ZNF70: variants seen among roughly 807,000 people sequenced by gnomAD.
The protein encoded by ZNF70 is zinc finger protein N27C7-1.
ZNF70 carries 18 observed loss-of-function variants against 37.7 expected under a neutral mutation model. The observed-to-expected ratio is 0.48, with a 90% CI of 0.33 to 0.71. ZNF70 has a LOEUF of 0.71. Ranked by LOEUF, ZNF70 falls within the 30% of genes least tolerant of loss-of-function variation. The pLI is 0.02. For missense variants in ZNF70, 506 were observed against 568.6 expected (o/e 0.89, Z 1.12); for synonymous variants, 219 against 220.1 (o/e 0.99, Z 0.05).
rs199912876 is a variant in ZNF70 at position 23,743,868 on chromosome 22, C to T, written c.1273G>A (p.Gly425Ser). ...REKPYVCNLC[G>S]KSFRGSSHLI... ...TGCGAGCTCCCCCGGAAGGACTTGC[C>T]GCACAGATTGCACACGTAGGGCTTC... is the stretch of plus-strand genomic sequence containing the variant. The change falls in exon 2 of 2, where the codon GGC (glycine) becomes AGC (serine). Residue 425 changes from glycine (G) to serine (S), a missense_variant. Coordinates refer to ENST00000341976, the MANE Select transcript of ZNF70 (RefSeq NM_021916.4). The T allele has an allele frequency of 2.9e-5, 47 of 1,614,204 alleles. No individual in the cohort carries two copies. Among genetic ancestry groups the T allele is most frequent in the Middle Eastern group, 3.3e-4 (2 of 6,062 alleles).
chr22:23,744,529 G>C lies in ZNF70; in HGVS notation c.612C>G (p.Ala204=), dbSNP rs773302327. Residue 204 remains alanine, a synonymous_variant, in exon 2 of 2, where the codon GCC becomes GCG. Coordinates refer to ENST00000341976, the MANE Select transcript of ZNF70 (RefSeq NM_021916.4). ...KPYECRECGK[A]FRQSSALTQH... ...GCGTGAGGGCTGAGCTCTGGCGGAA[G>C]GCCTTCCCACACTCCCGGCACTCGT... 3 of 1,613,940 alleles carry C rather than the reference G, an allele frequency of 1.9e-6. No individual in the cohort carries two copies. Among genetic ancestry groups the C allele is most frequent in the Non-Finnish European group, 2.5e-6 (3 of 1,179,960 alleles).
In ZNF70 at chr22:23,744,219, A is replaced by G; in HGVS notation, c.922T>C (p.Tyr308His). ...HQRIHTGKKP[Y>H]KCDECGKAFS... is the part of the protein sequence containing the mutation. ...GCCTTCCCGCACTCATCGCATTTGTATGGTTTCTTCCCAGTGTGGATCCGC... is the reference window on the plus strand; with the variant it reads ...GCCTTCCCGCACTCATCGCATTTGTGTGGTTTCTTCCCAGTGTGGATCCGC... Residue 308 changes from tyrosine (Y) to histidine (H), a missense_variant, in exon 2 of 2, where the codon TAC becomes CAC. Physicochemically the swap from Tyr to His is moderately conservative, Grantham distance 83. Transcript: ENST00000341976. The G allele has an allele frequency of 1.2e-6, 2 of 1,613,564 alleles. No homozygotes were observed. Among genetic ancestry groups the G allele is most frequent in the South Asian group, 1.1e-5 (1 of 91,054 alleles).
At chr22:23,750,562 T>G (rs935584480) in intron 1 of ZNF70, 149 bp downstream of exon 1, 1 of 152,106 alleles carries the variant, frequency 6.6e-6, no homozygotes, top group African/African-American at 2.4e-5. Flanking sequence ...CAAACTTCCC[T>G]CCGTAGAGGT....
rs761855133 is a variant in ZNF70 at position 23,744,189 on chromosome 22, T to C, written c.952A>G (p.Ser318Gly). 2.5e-6 allele frequency: 4 copies of C among 1,613,972 alleles called. No homozygotes were observed. The South Asian group carries it at 3.3e-5, about 13-fold the overall frequency. The change falls in exon 2 of 2, where the codon AGC (serine) becomes GGC (glycine). Residue 318 changes from serine to glycine, a missense_variant. Coordinates refer to ENST00000341976, the MANE Select transcript of ZNF70 (RefSeq NM_021916.4). ...YKCDECGKAF[S>G]QSSNLIEHRK... ...TGCTCAATGAGGTTGGAGCTCTGGC[T>C]GAAGGCCTTCCCGCACTCATCGCAT...
rs746034456 is a variant in ZNF70 at position 23,744,795 on chromosome 22, C to T, written c.346G>A (p.Asp116Asn). Residue 116 changes from aspartate to asparagine, a missense_variant, in exon 2 of 2, where the codon GAT becomes AAT. By Grantham distance (23) the Asp-to-Asn change is conservative (BLOSUM62 1). Coordinates refer to ENST00000341976, the MANE Select transcript of ZNF70 (RefSeq NM_021916.4). Reference protein sequence around the residue: ...IIHSEEPSPCDCAETDRGDSG... With the variant: ...IIHSEEPSPCNCAETDRGDSG... The stretch of plus-strand genomic sequence containing the variant: ...TCCCCTCTGTCTGTTTCTGCACAAT[C>T]GCATGGACTGGGCTCTTCACTGTGG... 24 of 1,614,102 alleles carry T rather than the reference C, an allele frequency of 1.5e-5. No homozygotes were observed. Among genetic ancestry groups the T allele is most frequent in the African/African-American group, 9.3e-5 (7 of 74,930 alleles).
chr22:23,746,201 CTTTTTTTTTT>C (rs760293135), intron 1 of ZNF70, among the ~76,000 whole-genome samples: 8 of 114,196 alleles, frequency 7.0e-5, no homozygotes, highest in African/African-American at 2.2e-4. Context: ...TGGTGGTTCC[CTTTTTTTTTT>C]TTTTTTTTTT....
At position 23,750,920 on chromosome 22, in the gene ZNF70, C is replaced by A. The variant is rs1454186489; in HGVS notation, c.-289G>T. On this transcript the variant is annotated 5_prime_UTR_variant, in exon 1 of 2. Transcript: ENST00000341976. ...GATTGGGGACACGCACACCCAGGGC[C>A]ACCGGAGGGACAGGTGGTCAGGCGG... 1 of 152,304 alleles carries A rather than the reference C, an allele frequency of 6.6e-6. No individual in the cohort carries two copies. Among genetic ancestry groups the A allele is most frequent in the Non-Finnish European group, 1.5e-5 (1 of 68,108 alleles). The allele number at this position is 152,304 out of a possible 1,614,324, so 9.4% of individuals were successfully genotyped here. A position where few individuals can be genotyped will look rare whatever the true frequency, so the allele number is the denominator to read the frequency against.
rs1055204788 is a variant in ZNF70, at chr22:23,744,261, G to A, written c.880C>T (p.His294Tyr). ...LCGKAFCHRS[H>Y]LIRHQRIHTG... ...TGGATCCGCTGGTGTCGGATGAGGT[G>A]TGACCTGTGACAAAAGGCTTTCCCA... The change falls in exon 2 of 2, where the codon CAC becomes TAC. Residue 294 changes from histidine to tyrosine, a missense_variant. Physicochemically the swap from His to Tyr is moderately conservative, Grantham distance 83. Coordinates refer to ENST00000341976, the MANE Select transcript of ZNF70 (RefSeq NM_021916.4). The A allele has an allele frequency of 1.7e-5, 28 of 1,612,924 alleles. No individual in the cohort carries two copies. The highest frequency in any genetic ancestry group is 2.1e-5 in the Non-Finnish European group (25 of 1,179,712).
In ZNF70 at chr22:23,744,353, T is replaced by C; in HGVS notation, c.788A>G (p.Gln263Arg). Residue 263 changes from glutamine to arginine, a missense_variant, in exon 2 of 2, where the codon CAG becomes CGG. Physicochemically the swap from Gln to Arg is conservative, Grantham distance 43. Transcript: ENST00000341976. ...QCKECGKSFN[Q>R]SSGLSQHRKI... ...CCGATGCTGGCTCAGGCCTGAGCTC[T>C]GGTTGAAGGATTTCCCACATTCCTT... 5 of 1,614,228 alleles carry C rather than the reference T, an allele frequency of 3.1e-6. No homozygotes were observed. The highest frequency in any genetic ancestry group is 4.2e-6 in the Non-Finnish European group (5 of 1,180,042).
At chr22:23,745,727 G>A (rs5996607) in intron 1 of ZNF70, among the ~76,000 whole-genome samples, 4 of 151,962 alleles carry the variant, frequency 2.6e-5, no homozygotes, top group Admixed American at 2.6e-4. Flanking sequence ...GCGGAGATCA[G>A]CCCACTGCAC....
Position 23,740,113 on chromosome 22 carries a change from A to AT in ZNF70, c.*3686dup, listed in dbSNP as rs1924831153. ...ATCACGAGCTCAGGAGATAGATACC[A>AT]TCTTGGCTAACACGGTGAAACCCCG... On this transcript the variant is annotated 3_prime_UTR_variant, in exon 2 of 2. Coordinates refer to ENST00000341976, the MANE Select transcript of ZNF70 (RefSeq NM_021916.4). The AT allele has an allele frequency of 2.6e-5, 4 of 151,472 alleles. No individual in the cohort carries two copies. 9.4% of individuals were successfully genotyped at this position (151,472 alleles called of 1,614,324 possible). A position where few individuals can be genotyped will look rare whatever the true frequency, so the allele number is the denominator to read the frequency against.
rs2145896637 is a variant in ZNF70 at position 23,744,589 on chromosome 22, G to A, written c.552C>T (p.Leu184=). 1 of 1,611,068 alleles carries A rather than the reference G, an allele frequency of 6.2e-7. No individual in the cohort carries two copies. The highest frequency in any genetic ancestry group is 1.1e-5 in the South Asian group (1 of 90,860). The stretch of plus-strand genomic sequence containing the variant: ...CCCCGGTGTGGATGATCTGGTGCCT[G>A]AGCAGGTGGGAGCTCTGGCTGAAGG... ...GKAFSQSSHL[L]RHQIIHTGEK... Residue 184 remains leucine, a synonymous_variant, in exon 2 of 2, where the codon CTC becomes CTT. Coordinates refer to ENST00000341976, the MANE Select transcript of ZNF70 (RefSeq NM_021916.4).
rs1483396267 is a variant in ZNF70 at position 23,744,609 on chromosome 22, T to C, written c.532A>G (p.Ser178Gly). 6.2e-7 allele frequency: 1 copy of C among 1,613,742 alleles called. No individual in the cohort carries two copies. The highest frequency in any genetic ancestry group is 8.5e-7 in the Non-Finnish European group (1 of 1,179,920). Reference protein sequence around the residue: ...YECCECGKAFSQSSHLLRHQI... With the variant: ...YECCECGKAFGQSSHLLRHQI... Reference sequence around the variant, plus strand: ...TGCCTGAGCAGGTGGGAGCTCTGGCTGAAGGCCTTCCCGCACTCACAGCAC... The same window carrying C: ...TGCCTGAGCAGGTGGGAGCTCTGGCCGAAGGCCTTCCCGCACTCACAGCAC... Residue 178 changes from serine to glycine, a missense_variant, in exon 2 of 2, where the codon AGC (serine) becomes GGC (glycine). Coordinates refer to ENST00000341976, the MANE Select transcript of ZNF70 (RefSeq NM_021916.4).
In ZNF70 at chr22:23,744,602, C is replaced by A; in HGVS notation, c.539G>T (p.Ser180Ile). Residue 180 changes from serine to isoleucine, a missense_variant, in exon 2 of 2, where the codon AGC becomes ATC. Transcript: ENST00000341976. ...GATCTGGTGCCTGAGCAGGTGGGAGCTCTGGCTGAAGGCCTTCCCGCACTC... is the reference window on the plus strand; with the variant it reads ...GATCTGGTGCCTGAGCAGGTGGGAGATCTGGCTGAAGGCCTTCCCGCACTC... ...CCECGKAFSQ[S>I]SHLLRHQIIH... is the part of the protein sequence containing the mutation. 1.9e-6 allele frequency: 3 copies of A among 1,613,832 alleles called. No individual in the cohort carries two copies. Among genetic ancestry groups the A allele is most frequent in the Non-Finnish European group, 2.5e-6 (3 of 1,179,848 alleles).
chr22:23,748,155 T>C (rs890914621), intron 1 of ZNF70, among the ~76,000 whole-genome samples: 1 of 148,938 alleles, frequency 6.7e-6, no homozygotes, highest in East Asian at 2.0e-4. Flanking sequence ...ATTATCCTTA[T>C]ACTGCATCTA....
Position 23,742,238 on chromosome 22 carries a change from C to T in ZNF70, c.*1562G>A, listed in dbSNP as rs1924897650. 1 of 149,362 alleles carries T rather than the reference C, an allele frequency of 6.7e-6. No individual in the cohort carries two copies. The highest frequency in any genetic ancestry group is 6.6e-5 in the Admixed American group (1 of 15,048). The allele number at this position is 149,362 out of a possible 1,614,324, so 9.3% of individuals were successfully genotyped here. On this transcript the variant is annotated 3_prime_UTR_variant, in exon 2 of 2. Transcript: ENST00000341976. ...ATTCCAGCCTGGCAACAGGGCAACA[C>T]TCCATCTCAAAAAAAAAAGCCCAGC...
rs183453813 is a variant in ZNF70 at position 23,741,750 on chromosome 22, G to A, written c.*2050C>T. 3 of 152,456 alleles carry A rather than the reference G, an allele frequency of 2.0e-5. No homozygotes were observed. The highest frequency in any genetic ancestry group is 1.9e-4 in the East Asian group (1 of 5,182). 9.4% of individuals were successfully genotyped at this position (152,456 alleles called of 1,614,324 possible). ...TGCCTCCTTCCCCACTAGCTCTGAGGAGCCCAAGGGAAGCCAGGACTAAAG... is the reference window on the plus strand; with the variant it reads ...TGCCTCCTTCCCCACTAGCTCTGAGAAGCCCAAGGGAAGCCAGGACTAAAG... On this transcript the variant is annotated 3_prime_UTR_variant, in exon 2 of 2. Transcript: ENST00000341976.
intron 1 of ZNF70, among the ~76,000 whole-genome samples, chr22:23,750,322 C>G (rs1925281443): frequency 6.6e-6 from 1 of 152,124 alleles, no homozygotes; most frequent in African/African-American, 2.4e-5. Context: ...TCCTTAGTTA[C>G]CAATATTTAA....
chr22:23,749,890 T>A (rs556735344), intron 1 of ZNF70, among the ~76,000 whole-genome samples: 21 of 152,262 alleles, frequency 1.4e-4, no homozygotes, highest in Middle Eastern at 6.8e-3. Context: ...GTTCTCCTTT[T>A]CTAGCTCCAC....
Sources: gnomAD v4.1 joint callset for allele counts (sites outside exome capture counted in the v4.1 genomes callset) on GRCh38, gnomAD v4.1.1 for gene constraint, MANE v1.5 for transcripts, NCBI Gene and HGNC (gene_info 2026-07-23, HGNC 2026-07-21) for gene names.